Variants in ROCK2 observed in about 807,000 individuals in gnomAD.
The protein encoded by ROCK2 is Rho associated coiled-coil containing protein kinase 2.
Under a neutral mutation model 195.1 loss-of-function variants are expected in ROCK2, and 61 were observed. The ratio of observed to expected loss-of-function variants is 0.31; its 90% CI spans 0.25 to 0.39. The LOEUF is 0.39. Among genes scored for constraint, ROCK2 ranks in the 10% least tolerant of loss-of-function variants. The pLI, the probability that ROCK2 is intolerant of heterozygous loss-of-function variation, is 1.00. For missense variants in ROCK2, 1,109 were observed against 1,637.4 expected (o/e 0.68, Z 5.57); for synonymous variants, 504 against 545.5 (o/e 0.92, Z 1.06).
intron 1 of ROCK2, among the ~76,000 whole-genome samples, chr2:11,305,329 T>C (rs1441916701): frequency 1.3e-5 from 2 of 152,080 alleles, no homozygotes; most frequent in East Asian, 1.9e-4. Flanking sequence ...TGAGCAGAGA[T>C]CATGCCACTA....
intron 20 of ROCK2, among the ~76,000 whole-genome samples, chr2:11,205,138 C>A (rs1664003791): frequency 6.6e-6 from 1 of 152,080 alleles, no homozygotes; most frequent in African/African-American, 2.4e-5. Flanking sequence ...TCTAATTACC[C>A]CAGAGGTTGT....
At position 11,197,495 on chromosome 2, in the gene ROCK2, C is replaced by A. The variant is rs1196165342; in HGVS notation, c.3279+31G>T. 1 of 1,589,180 alleles carries A rather than the reference C, an allele frequency of 6.3e-7. No individual in the cohort carries two copies. The highest frequency in any genetic ancestry group is 2.2e-5 in the East Asian group (1 of 44,598). On this transcript the variant is annotated intron_variant, in intron 26 of 32. Coordinates refer to ENST00000315872, the MANE Select transcript of ROCK2 (RefSeq NM_004850.5). This position sits in a 1 kb window ranked among gnomAD's most constrained non-coding sequence, Gnocchi z 4.9. ...ATAATTCTACTTCTTAAAAAGAAGT[C>A]TTCAGTCTAGAGTCCAAAAAGTATT...
intron 2 of ROCK2, 70 bp downstream of exon 2, chr2:11,287,585 A>G (rs903522224): frequency 9.1e-6 from 4 of 439,680 alleles, no homozygotes; most frequent in South Asian, 1.9e-4. Context: ...ATAGGCTGAT[A>G]ATAACCAAAC....
chr2:11,308,016 G>A, intron 1 of ROCK2: 1 of 1,556,242 alleles, frequency 6.4e-7, no homozygotes, highest in Non-Finnish European at 8.7e-7. Flanking sequence ...GACGGGGTGG[G>A]GACCAGCCAT....
In ROCK2 at chr2:11,236,033, A is replaced by T. The variant is rs557706934; in HGVS notation, c.463-71T>A. 40 of 1,337,420 alleles carry T rather than the reference A, an allele frequency of 3.0e-5. No homozygotes were observed. In the African/African-American group the frequency reaches 4.1e-4, roughly 14 times the overall value. The allele number at this position is 1,337,420 out of a possible 1,614,324, so 82.8% of individuals were successfully genotyped here. Reference sequence around the variant, plus strand: ...AAAATCATAATCAGAACAAAAATTTAAAAAACTATTATTACTATTGAAAAA... The same window carrying T: ...AAAATCATAATCAGAACAAAAATTTTAAAAACTATTATTACTATTGAAAAA... On this transcript the variant is annotated intron_variant, in intron 4 of 32. Transcript: ENST00000315872.
rs751063624 is a variant in ROCK2, at chr2:11,197,327, T to C, written c.3301A>G (p.Ile1101Val). The C allele has an allele frequency of 6.2e-6, 10 of 1,613,384 alleles. No individual in the cohort carries two copies. The highest frequency in any genetic ancestry group is 8.5e-6 in the Non-Finnish European group (10 of 1,179,832). The part of the protein sequence containing the change: ...MQAQIAEESQ[I>V]RIELQMTLDS... Reference sequence around the variant, plus strand: ...AATGTCATCTGCAGTTCAATTCGAATCTGGCTCTCTTCAGCTATTTGCTAT... The same window carrying C: ...AATGTCATCTGCAGTTCAATTCGAACCTGGCTCTCTTCAGCTATTTGCTAT... The change falls in exon 27 of 33, where the codon ATT (isoleucine) becomes GTT (valine). Residue 1101 changes from isoleucine to valine, a missense_variant. This residue lies in a region of ROCK2 where 221 missense variants were observed against 355.1 expected (regional missense o/e 0.62). Coordinates refer to ENST00000315872, the MANE Select transcript of ROCK2 (RefSeq NM_004850.5). The surrounding 1 kb of genome is among the most constrained non-coding windows in gnomAD (Gnocchi z 4.9).
intron 20 of ROCK2, among the ~76,000 whole-genome samples, chr2:11,207,075 A>G (rs1231782704): frequency 6.6e-6 from 1 of 152,082 alleles, no homozygotes; most frequent in Non-Finnish European, 1.5e-5. Context: ...TTAATAGTAT[A>G]TTTACTATAT....
chr2:11,262,236 T>C (rs1034332187), intron 3 of ROCK2, among the ~76,000 whole-genome samples: 1 of 152,076 alleles, frequency 6.6e-6, no homozygotes, highest in African/African-American at 2.4e-5. Flanking sequence ...TAACTGGCTA[T>C]ACATATGAAA....
intron 18 of ROCK2, among the ~76,000 whole-genome samples, chr2:11,210,777 A>G (rs1664221788): frequency 6.6e-6 from 1 of 152,210 alleles, no homozygotes; most frequent in South Asian, 2.1e-4. Context: ...GGCCACAGAC[A>G]AGGAAATATG....
intron 1 of ROCK2, among the ~76,000 whole-genome samples, chr2:11,321,808 T>C (rs990441255): frequency 6.6e-6 from 1 of 152,010 alleles, no homozygotes; most frequent in Non-Finnish European, 1.5e-5. Context: ...AAATGATAGG[T>C]TTAAAAATAG....
intron 3 of ROCK2, among the ~76,000 whole-genome samples, chr2:11,284,510 A>T (rs1667119642): frequency 6.6e-6 from 1 of 152,132 alleles, no homozygotes; most frequent in East Asian, 1.9e-4. Flanking sequence ...TATATGGGAC[A>T]TCTCTATACC....
intron 3 of ROCK2, among the ~76,000 whole-genome samples, chr2:11,274,976 G>GCC (rs1442708432): frequency 6.6e-6 from 1 of 151,872 alleles, no homozygotes; most frequent in Non-Finnish European, 1.5e-5. Context: ...ATAAGAACAG[G>GCC]CCGGGAGCAG....
At chr2:11,264,868 G>A (rs1326740513) in intron 3 of ROCK2, among the ~76,000 whole-genome samples, 1 of 152,176 alleles carries the variant, frequency 6.6e-6, no homozygotes, top group Non-Finnish European at 1.5e-5. Flanking sequence ...TGAGATGAAA[G>A]TGAAATACTA....
intron 5 of ROCK2, among the ~76,000 whole-genome samples, chr2:11,230,916 ATTC>A (rs1572275682): frequency 6.6e-6 from 1 of 152,134 alleles, no homozygotes; most frequent in East Asian, 1.9e-4. Context: ...GTTTTAGGAA[ATTC>A]TTCTCTTTTC....
At chr2:11,324,984 C>G (rs1053300644) in intron 1 of ROCK2, among the ~76,000 whole-genome samples, 1 of 152,216 alleles carries the variant, frequency 6.6e-6, no homozygotes, top group African/African-American at 2.4e-5. Flanking sequence ...ACAAGAAGCA[C>G]GAGTTTCCAT....
At chr2:11,273,897 C>G (rs1666736345) in intron 3 of ROCK2, among the ~76,000 whole-genome samples, 2 of 145,770 alleles carry the variant, frequency 1.4e-5, no homozygotes, top group Admixed American at 1.4e-4. Flanking sequence ...CCACTGCACT[C>G]TAACCTGGGT....
At chr2:11,219,959 A>T (rs1664575113) in intron 9 of ROCK2, among the ~76,000 whole-genome samples, 1 of 149,832 alleles carries the variant, frequency 6.7e-6, no homozygotes, top group Non-Finnish European at 1.5e-5. Flanking sequence ...TGATCCTTTC[A>T]TCTCAGCCTC....
intron 4 of ROCK2, among the ~76,000 whole-genome samples, chr2:11,244,046 C>T (rs967153666): frequency 2.0e-5 from 3 of 152,148 alleles, no homozygotes; most frequent in Non-Finnish European, 2.9e-5. Context: ...TATTTTTACA[C>T]ACCAGCATTA....
In ROCK2 at chr2:11,344,236, A is replaced by C. The variant is rs1558411496; in HGVS notation, c.-100T>G. 7.7e-7 allele frequency: 1 copy of C among 1,300,034 alleles called. No individual in the cohort carries two copies. The allele number at this position is 1,300,034 out of a possible 1,614,324, so 80.5% of individuals were successfully genotyped here. A position where few individuals can be genotyped will look rare whatever the true frequency, so the allele number is the denominator to read the frequency against. On this transcript the variant is annotated 5_prime_UTR_variant, in exon 1 of 33. Coordinates refer to ENST00000315872, the MANE Select transcript of ROCK2 (RefSeq NM_004850.5). The surrounding 1 kb of genome is among the most constrained non-coding windows in gnomAD (Gnocchi z 5.4). ...AACCACCAGCTCCGGCCGGGACTCC[A>C]CCCGGGCCCACCGCCTGCCTCTAGC...
Sources: gnomAD v4.1 joint callset for allele counts (sites outside exome capture counted in the v4.1 genomes callset) on GRCh38, gnomAD v4.1.1 for gene constraint, gnomAD v4.1.1 regional missense constraint, Gnocchi (gnomAD v3.1) non-coding constraint, MANE v1.5 for transcripts, NCBI Gene and HGNC (gene_info 2026-07-23, HGNC 2026-07-21) for gene names.